The following CAMTA1 variants were observed in gnomAD, a reference collection of about 807,000 sequenced individuals.
CAMTA1 encodes calmodulin-binding transcription activator 1.
A neutral mutation model predicts 170.9 loss-of-function variants in CAMTA1; 27 were observed. The ratio of observed to expected loss-of-function variants is 0.16; its 90% CI spans 0.12 to 0.22. The LOEUF (loss-of-function observed/expected upper bound fraction) is 0.22. Among genes scored for constraint, CAMTA1 ranks in the 10% least tolerant of loss-of-function variants. The pLI, the probability that CAMTA1 is intolerant of heterozygous loss-of-function variation, is 1.00. For synonymous variants in CAMTA1, 833 were observed against 891.5 expected, an observed-to-expected ratio of 0.93 and a Z score of 1.17; for missense variants, 1,619 against 2,217.2, an observed-to-expected ratio of 0.73 and a Z score of 5.42.
chr1:7,160,846 C>T (rs542101045), intron 4 of CAMTA1, among the ~76,000 whole-genome samples: 19 of 152,276 alleles, frequency 1.2e-4, no homozygotes, highest in Admixed American at 5.2e-4. Context: ...GGTTCTCTTT[C>T]TCAGTATATG....
At chr1:7,654,602 ACACT>A (rs1437959213) in intron 7 of CAMTA1, among the ~76,000 whole-genome samples, 1 of 149,880 alleles carries the variant, frequency 6.7e-6, no homozygotes, top group Non-Finnish European at 1.5e-5. Context: ...CTATACACAC[ACACT>A]CCTATACACA....
intron 3 of CAMTA1, among the ~76,000 whole-genome samples, chr1:6,891,512 A>G (rs974973048): frequency 1.3e-5 from 2 of 152,172 alleles, no homozygotes; most frequent in Admixed American, 1.3e-4. Flanking sequence ...TAACACCTAA[A>G]TATTTTCCCT....
At position 6,902,069 on chromosome 1, in the gene CAMTA1, ACAC is replaced by A. The variant is rs1268542603; in HGVS notation, c.234+76860_234+76862del. 4.4e-4 allele frequency among the ~76,000 whole-genome samples: 35 copies of A among 80,062 alleles called. 1 individual carries two copies. The South Asian group carries it at 7.5e-3, about 17-fold the overall frequency. The allele number at this position is 80,062 out of a possible 152,430, so 52.5% of individuals were successfully genotyped here. On this transcript the variant is annotated intron_variant, in intron 3 of 22. Coordinates refer to ENST00000303635, the MANE Select transcript of CAMTA1 (RefSeq NM_015215.4). Reference sequence around the variant, plus strand: ...CACACACACACACACACACACACACACACAAAAAAAAAAATAAAAATAAAAACT... The same window carrying A: ...CACACACACACACACACACACACACAAAAAAAAAAAATAAAAATAAAAACT...
chr1:7,443,667 G>T lies in CAMTA1; in HGVS notation c.439-24163G>T, dbSNP rs2149422398. Among the ~76,000 whole-genome samples, 1 of 152,298 alleles carries T rather than the reference G, an allele frequency of 6.6e-6. No individual in the cohort carries two copies. The highest frequency in any genetic ancestry group is 1.9e-4 in the East Asian group (1 of 5,160). ...TAGTGCACCGTTGGGGTAGAGGGAG[G>T]CCCAGAGCCTGGGGCATTCTGGGTG... On this transcript the variant is annotated intron_variant, in intron 5 of 22. Transcript: ENST00000303635. This position sits in a 1 kb window ranked among gnomAD's most constrained non-coding sequence, Gnocchi z 4.1.
rs1644187056 is a variant in CAMTA1, at chr1:7,113,521, C to T, written c.302+22150C>T. Among the ~76,000 whole-genome samples the T allele has an allele frequency of 6.6e-6, 1 of 152,190 alleles. No homozygotes were observed. The highest frequency in any genetic ancestry group is 6.5e-5 in the Admixed American group (1 of 15,282). On this transcript the variant is annotated intron_variant, in intron 4 of 22. Coordinates refer to ENST00000303635, the MANE Select transcript of CAMTA1 (RefSeq NM_015215.4). This position sits in a 1 kb window ranked among gnomAD's most constrained non-coding sequence, Gnocchi z 4.5. ...GAGAGGGAGGAAGGAGGGTCTCGGG[C>T]AAGACCTCCCCCAACAGGCAGACCA...
At chr1:7,595,857 A>C (rs2095395639) in intron 6 of CAMTA1, among the ~76,000 whole-genome samples, 1 of 152,118 alleles carries the variant, frequency 6.6e-6, no homozygotes, top group South Asian at 2.1e-4. Flanking sequence ...CATCACAGTT[A>C]CTTGTGGCCA....
chr1:7,409,594 C>T (rs1321320313), intron 5 of CAMTA1, among the ~76,000 whole-genome samples: 1 of 152,148 alleles, frequency 6.6e-6, no homozygotes, highest in African/African-American at 2.4e-5. Context: ...CCAGGTTTGA[C>T]TTCCCACTTG....
At chr1:7,392,258 CTTT>C (rs3034862) in intron 5 of CAMTA1, among the ~76,000 whole-genome samples, 3 of 135,912 alleles carry the variant, frequency 2.2e-5, no homozygotes, top group Admixed American at 7.4e-5. Context: ...AGACCCCCAT[CTTT>C]TTTTTTTTTT....
At chr1:7,261,820 C>T (rs1339646141) in intron 5 of CAMTA1, among the ~76,000 whole-genome samples, 3 of 152,210 alleles carry the variant, frequency 2.0e-5, no homozygotes, top group Non-Finnish European at 4.4e-5. Context: ...TTGGCGTTGT[C>T]TGATAGCTTG....
At chr1:7,449,629 G>A (rs966881924) in intron 5 of CAMTA1, among the ~76,000 whole-genome samples, 6 of 152,010 alleles carry the variant, frequency 3.9e-5, no homozygotes, top group Non-Finnish European at 7.4e-5. Flanking sequence ...AATTAGCTGG[G>A]CGTCATGGTG....
At chr1:6,894,524 A>G (rs1675222494) in intron 3 of CAMTA1, among the ~76,000 whole-genome samples, 1 of 152,206 alleles carries the variant, frequency 6.6e-6, no homozygotes, top group African/African-American at 2.4e-5. Context: ...TCCTAAATTG[A>G]TTACCTCTCA....
chr1:6,911,676 A>C (rs1274521918), intron 3 of CAMTA1, among the ~76,000 whole-genome samples: 1 of 152,174 alleles, frequency 6.6e-6, no homozygotes, highest in African/African-American at 2.4e-5. Flanking sequence ...CCCTTTACCA[A>C]GTCCCCCAGA....
rs1725257 is a variant in CAMTA1, at chr1:7,482,861, G to A, written c.510+14960G>A. 0.54 allele frequency among the ~76,000 whole-genome samples: 81,266 copies of A among 151,866 alleles called. 22,183 individuals are homozygous for A. The highest frequency in any genetic ancestry group is 0.63 in the African/African-American group (26,070 of 41,384). ...GGGGTGCAGGCGTCTCCTGTGGAAA[G>A]TCCCCAGCTCAGGTCCCTGATGCAG... is the stretch of plus-strand genomic sequence containing the variant. On this transcript the variant is annotated intron_variant, in intron 6 of 22. Coordinates refer to ENST00000303635, the MANE Select transcript of CAMTA1 (RefSeq NM_015215.4). The surrounding 1 kb of genome is among the most constrained non-coding windows in gnomAD (Gnocchi z 4.2).
intron 5 of CAMTA1, among the ~76,000 whole-genome samples, chr1:7,422,402 G>A (rs1201011832): frequency 1.3e-5 from 2 of 152,038 alleles, no homozygotes; most frequent in African/African-American, 2.4e-5. Flanking sequence ...AGCAGATCCC[G>A]GCTTCCACGG....
intron 4 of CAMTA1, among the ~76,000 whole-genome samples, chr1:7,246,071 G>A (rs774009015): frequency 4.6e-5 from 7 of 152,152 alleles, no homozygotes; most frequent in Non-Finnish European, 8.8e-5. Flanking sequence ...CCTGTCTATC[G>A]GGTAAAGGAT....
chr1:7,247,239 G>A lies in CAMTA1; in HGVS notation c.303-2252G>A, dbSNP rs61780029. 9.2e-3 allele frequency among the ~76,000 whole-genome samples: 1,398 copies of A among 152,370 alleles called. 12 individuals are homozygous for A. Among genetic ancestry groups the A allele is most frequent in the Admixed American group, 0.017 (262 of 15,308 alleles). ...TTGTATCCTGCTGAAAGTGCCGGAT[G>A]ACAGGGCTACTCTCAGAATGCCAAA... is the stretch of plus-strand genomic sequence containing the variant. On this transcript the variant is annotated intron_variant, in intron 4 of 22. Coordinates refer to ENST00000303635, the MANE Select transcript of CAMTA1 (RefSeq NM_015215.4).
chr1:6,786,217 C>T lies in CAMTA1; in HGVS notation c.45+642C>T, dbSNP rs576268146. ...AGGGGGACCCCGTCCTGCCGAGCGT[C>T]CCTCGGCCGAAGGGCCTCGTGTGAC... On this transcript the variant is annotated intron_variant, in intron 1 of 22. Transcript: ENST00000303635. Among the ~76,000 whole-genome samples, 72 of 152,098 alleles carry T rather than the reference C, an allele frequency of 4.7e-4. 1 individual carries two copies. The South Asian group carries it at 9.5e-3, about 20-fold the overall frequency.
intron 4 of CAMTA1, among the ~76,000 whole-genome samples, chr1:7,096,790 C>T (rs1558090539): frequency 6.6e-6 from 1 of 152,206 alleles, no homozygotes; most frequent in Non-Finnish European, 1.5e-5. Context: ...TCGAACTCCT[C>T]CTCCCCATTG....
intron 5 of CAMTA1, among the ~76,000 whole-genome samples, chr1:7,320,731 C>T (rs557993542): frequency 4.3e-5 from 6 of 140,202 alleles, no homozygotes; most frequent in African/African-American, 1.6e-4. Context: ...CTTGCCTTTT[C>T]CCTCATGTAC....
Sources: allele counts gnomAD v4.1 joint callset (sites outside exome capture counted in the v4.1 genomes callset), GRCh38; gene constraint gnomAD v4.1.1; non-coding constraint Gnocchi (gnomAD v3.1); transcripts MANE v1.5; gene names NCBI Gene and HGNC (gene_info 2026-07-23, HGNC 2026-07-21).